EPHB1: variants seen among roughly 807,000 people sequenced by gnomAD.
EPHB1 encodes the protein ephrin type-B receptor 1.
In EPHB1, 30 loss-of-function variants were observed where a neutral mutation model predicts 94.4. The observed-to-expected ratio is 0.32, with a 90% CI of 0.24 to 0.43. The LOEUF is 0.43. Among genes scored for constraint, EPHB1 ranks in the 20% least tolerant of loss-of-function variants. The pLI is 1.00. For missense variants in EPHB1, 1,055 were observed against 1,308.3 expected (o/e 0.81, Z 2.99); for synonymous variants, 522 against 489.1 (o/e 1.07, Z -0.89).
At chr3:135,211,704 C>T (rs568585298) in intron 12 of EPHB1, among the ~76,000 whole-genome samples, 4 of 152,286 alleles carry the variant, frequency 2.6e-5, no homozygotes, top group African/African-American at 9.6e-5. Context: ...TATGCACACA[C>T]ACATATATAT....
chr3:135,216,142 A>G (rs1026565535), intron 12 of EPHB1, among the ~76,000 whole-genome samples: 3 of 152,118 alleles, frequency 2.0e-5, no homozygotes, highest in East Asian at 3.9e-4. Context: ...AACTTCCCAG[A>G]TGCCCACCCA....
chr3:134,840,008 G>A (rs2108296200), intron 1 of EPHB1, among the ~76,000 whole-genome samples: 1 of 152,196 alleles, frequency 6.6e-6, no homozygotes, highest in Non-Finnish European at 1.5e-5. Flanking sequence ...TTATTTATGG[G>A]GACACATTAT....
chr3:135,029,281 C>G lies in EPHB1; in HGVS notation c.806-77167C>G, dbSNP rs9681301. On this transcript the variant is annotated intron_variant, in intron 3 of 15. Coordinates refer to ENST00000398015, the MANE Select transcript of EPHB1 (RefSeq NM_004441.5). ...TCCTGTCATTATGATGTTAGCTGGT[C>G]ATTTTGCTCGTTAGTTGATGCAGTT... 2.5e-4 allele frequency among the ~76,000 whole-genome samples: 38 copies of G among 151,260 alleles called. 1 individual carries two copies. The highest frequency in any genetic ancestry group is 1.3e-4 in the Admixed American group (2 of 15,130).
At chr3:135,215,011 C>T (rs1943114742) in intron 12 of EPHB1, among the ~76,000 whole-genome samples, 2 of 152,152 alleles carry the variant, frequency 1.3e-5, no homozygotes, top group South Asian at 4.1e-4. Context: ...TTTGTAAAAA[C>T]CCATCTGATA....
intron 3 of EPHB1, 112 bp downstream of exon 3, chr3:134,952,164 T>C: frequency 8.5e-7 from 1 of 1,179,940 alleles, no homozygotes. Context: ...TAATGGCTTA[T>C]TATAAAGCTC....
At chr3:135,074,905 C>A (rs1203719276) in intron 3 of EPHB1, among the ~76,000 whole-genome samples, 1 of 152,116 alleles carries the variant, frequency 6.6e-6, no homozygotes. Context: ...GGAGTGAGAC[C>A]CACAGGCCAG....
chr3:134,972,949 G>A (rs1359266433), intron 3 of EPHB1, among the ~76,000 whole-genome samples: 1 of 152,228 alleles, frequency 6.6e-6, no homozygotes, highest in Non-Finnish European at 1.5e-5. Context: ...TGTCCCTTGT[G>A]TTCCTGCACA....
intron 3 of EPHB1, among the ~76,000 whole-genome samples, chr3:134,960,619 G>A (rs989619836): frequency 2.6e-5 from 4 of 152,292 alleles, no homozygotes; most frequent in African/African-American, 9.6e-5. Context: ...GAAGCTGCAA[G>A]TGTGTTCGAC....
chr3:134,990,055 G>A (rs1415208081), intron 3 of EPHB1, among the ~76,000 whole-genome samples: 1 of 151,928 alleles, frequency 6.6e-6, no homozygotes, highest in Non-Finnish European at 1.5e-5. Context: ...ACAATTCTTG[G>A]TTGCTTTATC....
In EPHB1 at chr3:135,179,907, C is replaced by T; in HGVS notation, c.1807C>T (p.Pro603Ser). Residue 603 changes from proline (P) to serine (S), a missense_variant, in exon 10 of 16, where the codon CCC becomes TCC. Transcript: ENST00000398015. ...CATTGACCCCTTCACTTACGAGGAT[C>T]CCAACGAAGCTGTCCGGGAGTTTGC... ...IYIDPFTYEDPNEAVREFAKE... is the reference protein window; with the variant it reads ...IYIDPFTYEDSNEAVREFAKE... 6.2e-7 allele frequency: 1 copy of T among 1,613,946 alleles called. No homozygotes were observed. The highest frequency in any genetic ancestry group is 8.5e-7 in the Non-Finnish European group (1 of 1,179,844).
intron 3 of EPHB1, among the ~76,000 whole-genome samples, chr3:134,962,974 G>A (rs1265906888): frequency 6.6e-6 from 1 of 152,174 alleles, no homozygotes; most frequent in Non-Finnish European, 1.5e-5. Context: ...TCAGCTCTGG[G>A]CTGTTGCTTG....
chr3:134,810,756 A>G (rs754363243), intron 1 of EPHB1, among the ~76,000 whole-genome samples: 13 of 152,248 alleles, frequency 8.5e-5, no homozygotes, highest in Middle Eastern at 3.4e-3. Context: ...TGGACTCCAG[A>G]TAGGAATGGA....
chr3:135,115,462 G>A (rs1939655803), intron 4 of EPHB1, among the ~76,000 whole-genome samples: 1 of 152,194 alleles, frequency 6.6e-6, no homozygotes, highest in Admixed American at 6.5e-5. Context: ...CCCCAGGCAG[G>A]AGGAGGCCTT....
Position 135,034,484 on chromosome 3 carries a change from C to A in EPHB1, c.806-71964C>A, listed in dbSNP as rs542267153. Among the ~76,000 whole-genome samples the A allele has an allele frequency of 1.1e-3, 165 of 152,362 alleles. 1 individual carries two copies. The highest frequency in any genetic ancestry group is 2.7e-3 in the Admixed American group (41 of 15,312). ...GGGCTGCAGGCTCTTGACTGTGCAT[C>A]TGTAAACAGTTTCTGACTGCTCTGA... On this transcript the variant is annotated intron_variant, in intron 3 of 15. Coordinates refer to ENST00000398015, the MANE Select transcript of EPHB1 (RefSeq NM_004441.5).
chr3:135,244,884 G>A (rs910296551), intron 13 of EPHB1, among the ~76,000 whole-genome samples: 1 of 152,128 alleles, frequency 6.6e-6, no homozygotes, highest in Non-Finnish European at 1.5e-5. Context: ...GGGCTGAAGG[G>A]TAAAGGACAC....
At chr3:135,165,870 A>G in intron 7 of EPHB1, 98 bp from the exon 8 acceptor site, 1 of 816,590 alleles carries the variant, frequency 1.2e-6, no homozygotes, top group African/African-American at 1.7e-5. Flanking sequence ...TCCTCTACAT[A>G]TATGTATATT....
At chr3:134,931,343 A>G (rs547127861) in intron 2 of EPHB1, among the ~76,000 whole-genome samples, 11 of 152,318 alleles carry the variant, frequency 7.2e-5, no homozygotes, top group African/African-American at 2.6e-4. Context: ...CTTGTTGGAA[A>G]TCTCAGTCCA....
chr3:134,945,022 T>C (rs954138578), intron 2 of EPHB1, among the ~76,000 whole-genome samples: 1 of 152,250 alleles, frequency 6.6e-6, no homozygotes, highest in Admixed American at 6.5e-5. Flanking sequence ...AGATTCAGCA[T>C]CTTTTCATAT....
intron 2 of EPHB1, 101 bp downstream of exon 2, chr3:134,925,981 T>G: frequency 9.4e-7 from 1 of 1,063,166 alleles, no homozygotes; most frequent in Non-Finnish European, 1.4e-6. Flanking sequence ...CTGTGGGGAA[T>G]GGAATACAGG....
Sources: allele counts gnomAD v4.1 joint callset (sites outside exome capture counted in the v4.1 genomes callset), GRCh38; gene constraint gnomAD v4.1.1; transcripts MANE v1.5; gene names NCBI Gene and HGNC (gene_info 2026-07-23, HGNC 2026-07-21).